SKI: variants seen among roughly 807,000 people sequenced by gnomAD.
SKI encodes the protein ski oncogene.
A neutral mutation model predicts 59.3 loss-of-function variants in SKI; 23 were observed. That is an observed-to-expected ratio of 0.39 (90% CI 0.28 to 0.55). SKI has a LOEUF of 0.55. Ranked by LOEUF, SKI falls within the 20% of genes least tolerant of loss-of-function variation. The pLI, the probability that SKI is intolerant of heterozygous loss-of-function variation, is 0.67. For missense variants in SKI, 1,017 were observed against 1,038.9 expected, an observed-to-expected ratio of 0.98 and a Z score of 0.29; for synonymous variants, 673 against 488.6, an observed-to-expected ratio of 1.38 and a Z score of -4.98.
chr1:2,279,829 C>T (rs998107743), intron 1 of SKI, among the ~76,000 whole-genome samples: 17 of 152,350 alleles, frequency 1.1e-4, no homozygotes, highest in Admixed American at 1.1e-3. Flanking sequence ...ACTGGGATTA[C>T]AGCAGTGAGC....
chr1:2,299,506 C>T (rs981336168), intron 1 of SKI, among the ~76,000 whole-genome samples: 1 of 152,182 alleles, frequency 6.6e-6, no homozygotes, highest in Non-Finnish European at 1.5e-5. Context: ...CAGTGCCCTC[C>T]GCCTCTGCGG....
chr1:2,234,309 A>G (rs929830996), intron 1 of SKI, among the ~76,000 whole-genome samples: 1 of 152,004 alleles, frequency 6.6e-6, no homozygotes, highest in Non-Finnish European at 1.5e-5. Flanking sequence ...TTTTCCCGGC[A>G]TGGTCTGTCA....
rs755067484 is a variant in SKI at position 2,307,371 on chromosome 1, C to T, written c.*606C>T. On this transcript the variant is annotated 3_prime_UTR_variant, in exon 7 of 7. Coordinates refer to ENST00000378536, the MANE Select transcript of SKI (RefSeq NM_003036.4). ...GCTCGAACACTGCCCGCCTTACTGCCGCCTACCCCGCCCGCCACGCCGCCG... is the reference window on the plus strand; with the variant it reads ...GCTCGAACACTGCCCGCCTTACTGCTGCCTACCCCGCCCGCCACGCCGCCG... The T allele has an allele frequency of 1.3e-5, 2 of 152,390 alleles. No homozygotes were observed. The highest frequency in any genetic ancestry group is 2.9e-5 in the Non-Finnish European group (2 of 68,130). The allele number at this position is 152,390 out of a possible 1,614,324, so 9.4% of individuals were successfully genotyped here.
rs1639590934 is a variant in SKI at position 2,270,398 on chromosome 1, C to T, written c.970-32580C>T. Among the ~76,000 whole-genome samples, 1 of 152,216 alleles carries T rather than the reference C, an allele frequency of 6.6e-6. No individual in the cohort carries two copies. Among genetic ancestry groups the T allele is most frequent in the South Asian group, 2.1e-4 (1 of 4,832 alleles). On this transcript the variant is annotated intron_variant, in intron 1 of 6. Coordinates refer to ENST00000378536, the MANE Select transcript of SKI (RefSeq NM_003036.4). The surrounding 1 kb of genome is among the most constrained non-coding windows in gnomAD (Gnocchi z 4.1). ...TGAATGCAGCCCTGGTGACCTGAAG[C>T]CCCTGCGTTGGTCCCTCACAGGCCA...
chr1:2,306,353 C>T, intron 6 of SKI, 103 bp downstream of exon 6: 1 of 1,197,522 alleles, frequency 8.4e-7, no homozygotes, highest in South Asian at 1.6e-5. Flanking sequence ...GGAGCAGAAG[C>T]CAGGCCCGGG....
chr1:2,230,995 G>A (rs1297226825), intron 1 of SKI, among the ~76,000 whole-genome samples: 1 of 152,082 alleles, frequency 6.6e-6, no homozygotes, highest in African/African-American at 2.4e-5. Flanking sequence ...TTGTGTGTGC[G>A]CGCTTCTGAC....
intron 1 of SKI, among the ~76,000 whole-genome samples, chr1:2,287,422 C>T (rs370687195): frequency 2.8e-4 from 43 of 151,080 alleles, no homozygotes; most frequent in East Asian, 9.7e-4. Context: ...CTGCAAGCTC[C>T]GCCTCCCGGG....
intron 1 of SKI, among the ~76,000 whole-genome samples, chr1:2,249,259 G>A (rs1482656581): frequency 1.3e-5 from 2 of 152,216 alleles, no homozygotes; most frequent in African/African-American, 4.8e-5. Context: ...TGCCTCATTC[G>A]TGGAGGTGCT....
intron 1 of SKI, among the ~76,000 whole-genome samples, chr1:2,289,803 T>C (rs989821391): frequency 4.6e-5 from 7 of 152,114 alleles, no homozygotes; most frequent in Admixed American, 2.0e-4. Context: ...GAAGGGGTTG[T>C]CCTCTTCCAC....
intron 1 of SKI, among the ~76,000 whole-genome samples, chr1:2,276,683 C>G (rs926062256): frequency 2.0e-5 from 3 of 152,262 alleles, no homozygotes; most frequent in African/African-American, 7.2e-5. Context: ...AGGCCGTGCA[C>G]CCCAACCTGG....
intron 1 of SKI, among the ~76,000 whole-genome samples, chr1:2,231,054 G>A (rs924465677): frequency 6.6e-6 from 1 of 152,220 alleles, no homozygotes; most frequent in Non-Finnish European, 1.5e-5. Context: ...CCTGTGGGCT[G>A]GGGAAGGATG....
intron 1 of SKI, among the ~76,000 whole-genome samples, chr1:2,234,469 C>T (rs1422924551): frequency 6.6e-6 from 1 of 152,218 alleles, no homozygotes; most frequent in African/African-American, 2.4e-5. Flanking sequence ...CTGTCTGAGT[C>T]TCCGGGTGAG....
Position 2,269,378 on chromosome 1 carries a change from G to A in SKI, c.970-33600G>A, listed in dbSNP as rs1444041906. 6.6e-6 allele frequency among the ~76,000 whole-genome samples: 1 copy of A among 152,240 alleles called. No homozygotes were observed. The highest frequency in any genetic ancestry group is 2.4e-5 in the African/African-American group (1 of 41,458). On this transcript the variant is annotated intron_variant, in intron 1 of 6. Transcript: ENST00000378536. The surrounding 1 kb of genome is among the most constrained non-coding windows in gnomAD (Gnocchi z 4.7). ...GTTTTGCAGTGATGTGAGCTTTGACGGAAGTGGCCACACTGCAGGCCCCCA... is the reference window on the plus strand; with the variant it reads ...GTTTTGCAGTGATGTGAGCTTTGACAGAAGTGGCCACACTGCAGGCCCCCA...
chr1:2,289,501 G>T (rs1216589395), intron 1 of SKI, among the ~76,000 whole-genome samples: 1 of 149,680 alleles, frequency 6.7e-6, no homozygotes, highest in African/African-American at 2.5e-5. Context: ...GATCGTGGGG[G>T]TGGGGGGGTG....
chr1:2,247,201 A>G (rs1026382355), intron 1 of SKI, among the ~76,000 whole-genome samples: 2 of 152,218 alleles, frequency 1.3e-5, no homozygotes, highest in Non-Finnish European at 2.9e-5. Context: ...CCTGGGCAAC[A>G]GAGCAAGACT....
intron 1 of SKI, among the ~76,000 whole-genome samples, chr1:2,300,507 C>T (rs537407807): frequency 5.3e-5 from 8 of 152,346 alleles, no homozygotes; most frequent in African/African-American, 1.7e-4. Context: ...ACTGGGGCCC[C>T]CAGGGGCCTT....
intron 1 of SKI, among the ~76,000 whole-genome samples, chr1:2,253,095 GAAA>G (rs55741448): frequency 8.8e-4 from 123 of 139,662 alleles, no homozygotes; most frequent in South Asian, 3.0e-3. Flanking sequence ...GACCCTGTCT[GAAA>G]AAAAAAAAAA....
intron 1 of SKI, among the ~76,000 whole-genome samples, chr1:2,285,388 G>C (rs1557840168): frequency 1.3e-5 from 2 of 151,760 alleles, no homozygotes; most frequent in African/African-American, 4.8e-5. Context: ...GGTGGCGGGT[G>C]CCTGTAATCC....
chr1:2,246,853 TG>T (rs74971112), intron 1 of SKI, among the ~76,000 whole-genome samples: 3 of 151,566 alleles, frequency 2.0e-5, no homozygotes, highest in African/African-American at 4.9e-5. Context: ...AGGAACCTGA[TG>T]GGGGGGGCCT....
Sources: allele counts gnomAD v4.1 joint callset (sites outside exome capture counted in the v4.1 genomes callset), GRCh38; gene constraint gnomAD v4.1.1; non-coding constraint Gnocchi (gnomAD v3.1); transcripts MANE v1.5; gene names NCBI Gene and HGNC (gene_info 2026-07-23, HGNC 2026-07-21).